The following MALAT1 variants were observed in gnomAD, a reference collection of about 807,000 sequenced individuals.
MALAT1 encodes metastasis associated lung adenocarcinoma transcript 1.
intron 3 of MALAT1, chr11:65,506,168 G>A (rs977299754): frequency 1.7e-5 from 7 of 417,100 alleles, no homozygotes; most frequent in African/African-American, 1.1e-4. Flanking sequence ...AAATCCCTGC[G>A]GCGTCTTTGC....
At chr11:65,503,367 G>A (rs1339066521) in exon 3 of MALAT1, 1 of 518,718 alleles carries the variant, frequency 1.9e-6, no homozygotes, top group Non-Finnish European at 3.8e-6. Context: ...TTGTTCCTGT[G>A]GGCTTCAGTG....
At chr11:65,499,643 AGAT>A (rs758639771) in exon 3 of MALAT1, 1 of 440,732 alleles carries the variant, frequency 2.3e-6, no homozygotes, top group South Asian at 1.7e-5. Flanking sequence ...AATTTGGAGA[AGAT>A]AGAAGTTTGA....
chr11:65,504,903 C>G (rs763047701), intron 3 of MALAT1: 2 of 518,682 alleles, frequency 3.9e-6, no homozygotes, highest in Admixed American at 1.9e-5. Context: ...TTAAATAAAC[C>G]AAACATTCCA....
exon 3 of MALAT1, chr11:65,501,734 C>G (rs1021892176): frequency 3.9e-6 from 2 of 518,874 alleles, no homozygotes; most frequent in African/African-American, 3.9e-5. Flanking sequence ...CACAGTGCAG[C>G]TTTGGTTCAT....
chr11:65,502,255 G>C (rs776134841), exon 3 of MALAT1: 3 of 518,566 alleles, frequency 5.8e-6, no homozygotes, highest in African/African-American at 5.8e-5. Flanking sequence ...GTTTGGATAT[G>C]GTAGTGTGTG....
At chr11:65,497,837 G>A (rs757988520) in exon 1 of MALAT1, 7 of 514,576 alleles carry the variant, frequency 1.4e-5, no homozygotes, top group Non-Finnish European at 2.7e-5. Flanking sequence ...GCAGAAGCCC[G>A]GCGCCGGGAA....
exon 3 of MALAT1, chr11:65,502,314 A>C: frequency 1.9e-6 from 1 of 516,682 alleles, no homozygotes. Context: ...ATTTAAAACT[A>C]CTATAGAAAC....
exon 3 of MALAT1, chr11:65,501,728 G>A (rs749229990): frequency 1.9e-6 from 1 of 519,026 alleles, no homozygotes. Context: ...GTACAGCACA[G>A]TGCAGCTTTG....
chr11:65,499,495 A>G (rs1341278941), exon 3 of MALAT1: 1 of 465,242 alleles, frequency 2.1e-6, no homozygotes. Context: ...GATCTTTTAA[A>G]AAGAGATTAA....
At chr11:65,504,750 G>C (rs1854640360) in intron 3 of MALAT1, 1 of 518,924 alleles carries the variant, frequency 1.9e-6, no homozygotes, top group African/African-American at 1.9e-5. Context: ...AAACAGTTCA[G>C]TGATCTTTAG....
At chr11:65,499,467 T>A in exon 3 of MALAT1, 1 of 465,526 alleles carries the variant, frequency 2.1e-6, no homozygotes, top group Non-Finnish European at 4.3e-6. Context: ...TTGTAGGTGA[T>A]TAAAATAATT....
chr11:65,497,755 G>A (rs372336080), exon 1 of MALAT1: 216 of 430,018 alleles, frequency 5.0e-4, no homozygotes, highest in Non-Finnish European at 8.6e-4. Flanking sequence ...TGCAGCCCGA[G>A]ACTTCTGTAA....
exon 3 of MALAT1, chr11:65,502,511 T>C: frequency 2.1e-6 from 1 of 484,098 alleles, no homozygotes; most frequent in Non-Finnish European, 4.0e-6. Context: ...TTTTGTAAAT[T>C]GTTTATTTTA....
At chr11:65,504,331 A>G (rs1464121310) in intron 3 of MALAT1, 2 of 511,384 alleles carry the variant, frequency 3.9e-6, no homozygotes, top group Non-Finnish European at 7.8e-6. Flanking sequence ...TACAGACTTC[A>G]CAGAGAATGC....
chr11:65,498,975 G>C (rs1198842258), exon 3 of MALAT1: 2 of 518,940 alleles, frequency 3.9e-6, no homozygotes, highest in Admixed American at 3.9e-5. Flanking sequence ...AAAGGCGGCG[G>C]AAGGTGATCG....
At chr11:65,498,167 C>T (rs772360933) in intron 1 of MALAT1, 2 of 518,948 alleles carry the variant, frequency 3.9e-6, no homozygotes, top group South Asian at 1.4e-5. Flanking sequence ...GGGTGTGTCC[C>T]TGACTGGCTG....
chr11:65,503,384 T>C (rs766727457), exon 3 of MALAT1: 8 of 518,396 alleles, frequency 1.5e-5, no homozygotes, highest in African/African-American at 1.5e-4. Context: ...AGTGATGGGA[T>C]AGTACACTTC....
intron 3 of MALAT1, chr11:65,504,417 A>G (rs1233002766): frequency 1.9e-6 from 1 of 518,878 alleles, no homozygotes; most frequent in Admixed American, 1.9e-5. Context: ...TGCTATTAGA[A>G]TGCATTGTGA....
exon 3 of MALAT1, chr11:65,503,070 G>GT: frequency 2.0e-6 from 1 of 510,960 alleles, no homozygotes; most frequent in South Asian, 1.4e-5. Flanking sequence ...TTGGGATCAA[G>GT]TGGATTGAGG....
Sources: allele counts gnomAD v4.1 joint callset, GRCh38; gene constraint gnomAD v4.1.1; transcripts MANE v1.5; gene names NCBI Gene and HGNC (gene_info 2026-07-23, HGNC 2026-07-21).